The following FAM107B variants were observed in gnomAD, a reference collection of about 807,000 sequenced individuals.
FAM107B encodes the protein family with sequence similarity 107 member B.
In FAM107B, 21 loss-of-function variants were observed where a neutral mutation model predicts 31.5. The observed-to-expected ratio is 0.67, with a 90% CI of 0.47 to 0.96. FAM107B has a LOEUF of 0.96. Ranked by LOEUF, FAM107B falls within the 40% of genes least tolerant of loss-of-function variation. FAM107B has a pLI of 0.00. For missense variants in FAM107B, 452 were observed against 377.1 expected, an observed-to-expected ratio of 1.20 and a Z score of -1.64; for synonymous variants, 157 against 141.5, an observed-to-expected ratio of 1.11 and a Z score of -0.78.
intron 2 of FAM107B, among the ~76,000 whole-genome samples, chr10:14,587,183 A>G (rs1851872439): frequency 6.6e-6 from 1 of 152,200 alleles, no homozygotes; most frequent in African/African-American, 2.4e-5. Context: ...CACTTACGAC[A>G]TGCCACCTAG....
chr10:14,699,315 C>A (rs1013459580), intron 1 of FAM107B, among the ~76,000 whole-genome samples: 3 of 152,108 alleles, frequency 2.0e-5, no homozygotes, highest in African/African-American at 7.2e-5. Context: ...TTGTCTCACA[C>A]AATTATGGAG....
intron 2 of FAM107B, chr10:14,572,318 C>A (rs111842629): frequency 1.5e-5 from 15 of 985,300 alleles, no homozygotes. Flanking sequence ...CAAATATGCA[C>A]GCAGACTCTC....
In FAM107B at chr10:14,606,735, C is replaced by G. The variant is rs575479464; in HGVS notation, c.469+60899G>C. ...TCCCCTCTGTCCCTTTCCCCACTCT[C>G]TCTTTCTCTGCCCAAACACAGAGAA... is the stretch of plus-strand genomic sequence containing the variant. On this transcript the variant is annotated intron_variant, in intron 2 of 4. Transcript: ENST00000181796. Among the ~76,000 whole-genome samples, 4 of 152,286 alleles carry G rather than the reference C, an allele frequency of 2.6e-5. No homozygotes were observed. In the South Asian group the frequency reaches 8.3e-4, roughly 32 times the overall value.
At chr10:14,594,483 GAC>G (rs1439257238) in intron 2 of FAM107B, among the ~76,000 whole-genome samples, 1 of 126,742 alleles carries the variant, frequency 7.9e-6, no homozygotes, top group African/African-American at 2.9e-5. Flanking sequence ...CAGCCTCCAT[GAC>G]AGAGCAAGAC....
intron 1 of FAM107B, among the ~76,000 whole-genome samples, chr10:14,706,685 G>A (rs1372449038): frequency 6.6e-6 from 1 of 152,162 alleles, no homozygotes; most frequent in Admixed American, 6.6e-5. Flanking sequence ...AATCCAACCT[G>A]CCCTTCCCCT....
At chr10:14,646,710 G>C (rs907479482) in intron 2 of FAM107B, among the ~76,000 whole-genome samples, 21 of 150,344 alleles carry the variant, frequency 1.4e-4, no homozygotes, top group African/African-American at 3.9e-4. Context: ...GGGTCAAATA[G>C]TAGATCTACT....
chr10:14,582,040 G>A (rs1019403763), intron 2 of FAM107B, among the ~76,000 whole-genome samples: 6 of 152,156 alleles, frequency 3.9e-5, no homozygotes, highest in African/African-American at 1.4e-4. Context: ...GCATATTGTT[G>A]ACACATTCTT....
chr10:14,604,163 G>A (rs1360929484), intron 2 of FAM107B: 2 of 929,758 alleles, frequency 2.2e-6, no homozygotes, highest in Non-Finnish European at 1.3e-6. Flanking sequence ...CCCGGAGCCG[G>A]GGTCGGGCAG....
intron 1 of FAM107B, among the ~76,000 whole-genome samples, chr10:14,685,363 G>A (rs1854958550): frequency 6.6e-6 from 1 of 151,802 alleles, no homozygotes; most frequent in Non-Finnish European, 1.5e-5. Context: ...TGCCCAGACT[G>A]ACCTCAAACT....
intron 1 of FAM107B, among the ~76,000 whole-genome samples, chr10:14,760,607 A>C (rs1194562219): frequency 1.3e-5 from 2 of 152,174 alleles, no homozygotes; most frequent in African/African-American, 4.8e-5. Context: ...ACGTTTTTTC[A>C]CAATTTTAGC....
At chr10:14,746,102 A>G (rs908685304) in intron 1 of FAM107B, among the ~76,000 whole-genome samples, 5 of 152,200 alleles carry the variant, frequency 3.3e-5, no homozygotes, top group African/African-American at 7.2e-5. Flanking sequence ...CTGTTTTGCC[A>G]GAAACTAGAA....
intron 1 of FAM107B, among the ~76,000 whole-genome samples, chr10:14,759,606 A>G (rs1833001804): frequency 6.6e-6 from 1 of 152,214 alleles, no homozygotes; most frequent in Admixed American, 6.5e-5. Flanking sequence ...AGCACCTAGA[A>G]CAATGCCTGG....
chr10:14,632,728 A>G (rs569722771), intron 2 of FAM107B, among the ~76,000 whole-genome samples: 2 of 152,184 alleles, frequency 1.3e-5, no homozygotes, highest in East Asian at 1.9e-4. Context: ...TGGGAGAGAA[A>G]AGATAGCATC....
At chr10:14,670,216 T>C (rs1854507862) in intron 1 of FAM107B, among the ~76,000 whole-genome samples, 2 of 152,232 alleles carry the variant, frequency 1.3e-5, no homozygotes, top group African/African-American at 2.4e-5. Context: ...CAAATATTCA[T>C]CATCAGAGAC....
chr10:14,596,364 C>A (rs1424847422), intron 2 of FAM107B, among the ~76,000 whole-genome samples: 1 of 152,184 alleles, frequency 6.6e-6, no homozygotes, highest in Admixed American at 6.5e-5. Flanking sequence ...AAACTCCATG[C>A]AGGCAGGGAG....
rs955702621 is a variant in FAM107B at position 14,719,481 on chromosome 10, G to C, written c.412-51790C>G. Among the ~76,000 whole-genome samples the C allele has an allele frequency of 5.8e-4, 88 of 152,042 alleles. 1 individual carries two copies. Among genetic ancestry groups the C allele is most frequent in the African/African-American group, 1.9e-3 (80 of 41,390 alleles). On this transcript the variant is annotated intron_variant, in intron 1 of 4. Coordinates refer to ENST00000181796, the MANE Select transcript of FAM107B (RefSeq NM_031453.4). Reference sequence around the variant, plus strand: ...TCAACGAACATAAATATTTTGCGGAGAGTAAAAGATACAAATGGGCTAGCC... The same window carrying C: ...TCAACGAACATAAATATTTTGCGGACAGTAAAAGATACAAATGGGCTAGCC...
intron 2 of FAM107B, among the ~76,000 whole-genome samples, chr10:14,632,610 C>CAAA (rs5783414): frequency 1.1e-5 from 1 of 90,536 alleles, no homozygotes; most frequent in African/African-American, 4.6e-5. Context: ...GACTCTGTCT[C>CAAA]AAAAAAAAAA....
chr10:14,670,225 A>G (rs11595636), intron 1 of FAM107B, among the ~76,000 whole-genome samples: 9,713 of 152,302 alleles, frequency 0.064, 379 homozygotes, highest in South Asian at 0.13. Flanking sequence ...ATCATCAGAG[A>G]CCATTTCTAA....
At chr10:14,700,304 C>G (rs1855364754) in intron 1 of FAM107B, among the ~76,000 whole-genome samples, 1 of 152,094 alleles carries the variant, frequency 6.6e-6, no homozygotes, top group Non-Finnish European at 1.5e-5. Flanking sequence ...TGGGGACAAG[C>G]AAAAGCCAGG....
Sources: gnomAD v4.1 joint callset for allele counts (sites outside exome capture counted in the v4.1 genomes callset) on GRCh38, gnomAD v4.1.1 for gene constraint, MANE v1.5 for transcripts, NCBI Gene and HGNC (gene_info 2026-07-23, HGNC 2026-07-21) for gene names.